The following TMOD1 variants were observed in gnomAD, a reference collection of about 807,000 sequenced individuals.
TMOD1 encodes tropomodulin-1.
Under a neutral mutation model 40.6 loss-of-function variants are expected in TMOD1, and 17 were observed. The ratio of observed to expected loss-of-function variants is 0.42; its 90% CI spans 0.29 to 0.63. TMOD1 has a LOEUF of 0.63. Ranked by LOEUF, TMOD1 falls within the 20% of genes least tolerant of loss-of-function variation. The pLI, the probability that TMOD1 is intolerant of heterozygous loss-of-function variation, is 0.22. For missense variants in TMOD1, 391 were observed against 447.6 expected, an observed-to-expected ratio of 0.87 and a Z score of 1.14; for synonymous variants, 181 against 175.0, an observed-to-expected ratio of 1.03 and a Z score of -0.27.
At position 97,502,036 on chromosome 9, in the gene TMOD1, A is replaced by C. The variant is rs904577684; in HGVS notation, c.-49+233A>C. Among the ~76,000 whole-genome samples the C allele has an allele frequency of 6.6e-6, 1 of 151,858 alleles. No homozygotes were observed. Among genetic ancestry groups the C allele is most frequent in the Non-Finnish European group, 1.5e-5 (1 of 67,916 alleles). ...CCCGTCCCCGCCTCCCCGCGCGCGC[A>C]GCCCTGGCCAGGGCGCCCTCCGCTC... On this transcript the variant is annotated intron_variant, in intron 1 of 9. Coordinates refer to ENST00000259365, the MANE Select transcript of TMOD1 (RefSeq NM_003275.4). The surrounding 1 kb of genome is among the most constrained non-coding windows in gnomAD (Gnocchi z 6.1).
rs545352336 is a variant in TMOD1, at chr9:97,555,295, A to G, written c.397+1895A>G. The G allele has an allele frequency of 1.8e-5, 18 of 1,013,368 alleles. No individual in the cohort carries two copies. The East Asian group carries it at 1.3e-3, about 76-fold the overall frequency. The allele number at this position is 1,013,368 out of a possible 1,614,324, so 62.8% of individuals were successfully genotyped here. A position where few individuals can be genotyped will look rare whatever the true frequency, so the allele number is the denominator to read the frequency against. On this transcript the variant is annotated intron_variant, in intron 4 of 9. Coordinates refer to ENST00000259365, the MANE Select transcript of TMOD1 (RefSeq NM_003275.4). ...AATCTGTGAGGCAGGGAGGTGGCTGATGCCTTGGTGCGGCATCTCCACATG... is the reference window on the plus strand; with the variant it reads ...AATCTGTGAGGCAGGGAGGTGGCTGGTGCCTTGGTGCGGCATCTCCACATG...
At chr9:97,585,587 T>C (rs994310285) in intron 8 of TMOD1, among the ~76,000 whole-genome samples, 1 of 148,174 alleles carries the variant, frequency 6.7e-6, no homozygotes, top group Admixed American at 6.8e-5. Context: ...CTGGATAATA[T>C]CCTGCAGAGT....
At chr9:97,555,291 G>A (rs62560476) in intron 4 of TMOD1, 1 of 968,054 alleles carries the variant, frequency 1.0e-6, no homozygotes, top group Non-Finnish European at 1.3e-6. Context: ...CAGGGAGGTG[G>A]CTGATGCCTT....
rs571822536 is a variant in TMOD1, at chr9:97,575,608, C to T, written c.870+6571C>T. 1.1e-4 allele frequency among the ~76,000 whole-genome samples: 17 copies of T among 152,310 alleles called. No homozygotes were observed. In the South Asian group the frequency reaches 3.5e-3, roughly 32 times the overall value. ...TTGGATAACCTAATTCCCAGGCCTC[C>T]TTTCTGTTGTGTTTTGAAGTATTCC... On this transcript the variant is annotated intron_variant, in intron 8 of 9. Transcript: ENST00000259365.
At chr9:97,536,447 G>C (rs954404197) in intron 2 of TMOD1, among the ~76,000 whole-genome samples, 2 of 152,004 alleles carry the variant, frequency 1.3e-5, no homozygotes, top group Non-Finnish European at 2.9e-5. Flanking sequence ...GGCCACTTTG[G>C]TTTCACTCCT....
intron 8 of TMOD1, 47 bp downstream of exon 8, chr9:97,569,084 G>A (rs973345397): frequency 4.4e-6 from 7 of 1,602,746 alleles, no homozygotes; most frequent in Admixed American, 1.7e-5. Context: ...CATGCAGCTC[G>A]CTGGCCTGCA....
chr9:97,601,141 G>C lies in TMOD1; in HGVS notation c.*1443G>C, dbSNP rs1186629958. ...TGAGGCTGCACATGGCCCAGGAGTG[G>C]CACCATGTTGCAGGGACAACCATCC... On this transcript the variant is annotated 3_prime_UTR_variant, in exon 10 of 10. Coordinates refer to ENST00000259365, the MANE Select transcript of TMOD1 (RefSeq NM_003275.4). The C allele has an allele frequency of 7.7e-7, 1 of 1,303,840 alleles. No individual in the cohort carries two copies. The highest frequency in any genetic ancestry group is 1.0e-6 in the Non-Finnish European group (1 of 988,766). The allele number at this position is 1,303,840 out of a possible 1,614,324, so 80.8% of individuals were successfully genotyped here.
intron 9 of TMOD1, among the ~76,000 whole-genome samples, chr9:97,592,939 C>T (rs1472275884): frequency 6.6e-6 from 1 of 152,172 alleles, no homozygotes; most frequent in Non-Finnish European, 1.5e-5. Context: ...AGTATCCTTA[C>T]TTGAAATAAA....
At chr9:97,543,629 G>C (rs1399019781) in intron 2 of TMOD1, among the ~76,000 whole-genome samples, 1 of 152,238 alleles carries the variant, frequency 6.6e-6, no homozygotes, top group Non-Finnish European at 1.5e-5. Context: ...CTCCAAGTCA[G>C]GGCTTAAGCC....
chr9:97,585,275 G>T (rs1825845457), intron 8 of TMOD1, among the ~76,000 whole-genome samples: 11 of 148,698 alleles, frequency 7.4e-5, no homozygotes, highest in African/African-American at 2.3e-4. Flanking sequence ...GCTTAGTTTG[G>T]CTGGATATGA....
chr9:97,536,428 G>A (rs567896520), intron 2 of TMOD1, among the ~76,000 whole-genome samples: 13 of 152,112 alleles, frequency 8.5e-5, no homozygotes, highest in South Asian at 2.1e-4. Context: ...CTGGAAGTTC[G>A]AAAAGTGAGG....
intron 2 of TMOD1, among the ~76,000 whole-genome samples, chr9:97,534,872 G>T (rs111951017): frequency 6.6e-6 from 1 of 152,204 alleles, no homozygotes; most frequent in Non-Finnish European, 1.5e-5. Flanking sequence ...GCTGAACAGG[G>T]TGCCCAAGGG....
At chr9:97,595,768 C>A (rs1420346101) in intron 9 of TMOD1, among the ~76,000 whole-genome samples, 1 of 151,992 alleles carries the variant, frequency 6.6e-6, no homozygotes, top group African/African-American at 2.4e-5. Context: ...ATCATAGTCC[C>A]CCAAACCTAT....
At chr9:97,559,799 A>T (rs1270136198) in intron 4 of TMOD1, among the ~76,000 whole-genome samples, 3 of 27,742 alleles carry the variant, frequency 1.1e-4, no homozygotes, top group African/African-American at 2.7e-4. Flanking sequence ...AAAAAAATAT[A>T]TATATATATA....
rs931843284 is a variant in TMOD1, at chr9:97,513,265, C to G, written c.-48-10876C>G. The G allele has an allele frequency of 2.0e-5, 3 of 152,260 alleles. No individual in the cohort carries two copies. The highest frequency in any genetic ancestry group is 7.2e-5 in the African/African-American group (3 of 41,454). 9.4% of individuals were successfully genotyped at this position (152,260 alleles called of 1,614,324 possible). The stretch of plus-strand genomic sequence containing the variant: ...GTTATCGAGCTGTATCATCCCTTCT[C>G]TCATGTCCCCTTTACAGTACCCCTT... On this transcript the variant is annotated intron_variant, in intron 1 of 9. Transcript: ENST00000259365. The surrounding 1 kb of genome is among the most constrained non-coding windows in gnomAD (Gnocchi z 4.1).
At position 97,600,027 on chromosome 9, in the gene TMOD1, G is replaced by GTGTT. The variant is rs1160800538; in HGVS notation, c.*331_*334dup. ...CCAGTTTCAATGGCCTTGCTGTGTG[G>GTGTT]TGTTTCAAGTGCATTTAAAATGTGT... On this transcript the variant is annotated 3_prime_UTR_variant, in exon 10 of 10. Coordinates refer to ENST00000259365, the MANE Select transcript of TMOD1 (RefSeq NM_003275.4). The GTGTT allele has an allele frequency of 1.8e-6, 2 of 1,105,832 alleles. No homozygotes were observed. The highest frequency in any genetic ancestry group is 2.2e-6 in the Non-Finnish European group (2 of 901,076). The allele number at this position is 1,105,832 out of a possible 1,614,324, so 68.5% of individuals were successfully genotyped here. A position where few individuals can be genotyped will look rare whatever the true frequency, so the allele number is the denominator to read the frequency against.
chr9:97,563,735 G>C (rs1830675481), intron 5 of TMOD1, among the ~76,000 whole-genome samples: 1 of 152,230 alleles, frequency 6.6e-6, no homozygotes. Context: ...AGTCCACTGA[G>C]GTCATGAGCC....
intron 1 of TMOD1, among the ~76,000 whole-genome samples, chr9:97,519,081 G>A (rs961537513): frequency 1.5e-4 from 23 of 152,344 alleles, no homozygotes; most frequent in African/African-American, 4.3e-4. Flanking sequence ...ATGATGCCGC[G>A]TAAGTGCCTC....
intron 2 of TMOD1, among the ~76,000 whole-genome samples, chr9:97,539,608 A>G: frequency 6.6e-6 from 1 of 152,170 alleles, no homozygotes; most frequent in East Asian, 1.9e-4. Context: ...AGATGAACAT[A>G]TGCCATTTAA....
Sources: allele counts gnomAD v4.1 joint callset (sites outside exome capture counted in the v4.1 genomes callset), GRCh38; gene constraint gnomAD v4.1.1; non-coding constraint Gnocchi (gnomAD v3.1); transcripts MANE v1.5; gene names NCBI Gene and HGNC (gene_info 2026-07-23, HGNC 2026-07-21).